SLC68A1: variants seen among roughly 807,000 people sequenced by gnomAD.
SLC68A1 encodes the protein solute carrier family 68 member 1.
chr10:102,469,917 G>A, the SLC68A1 span: 9 of 1,540,234 alleles, frequency 5.8e-6, no homozygotes, highest in Non-Finnish European at 7.0e-6. Flanking sequence ...CAGGGGTGGT[G>A]AGCAGGCTGA....
chr10:102,470,575 C>T, the SLC68A1 span: 4 of 1,537,394 alleles, frequency 2.6e-6, no homozygotes, highest in African/African-American at 4.1e-5. Context: ...CACCCTGGGC[C>T]TCCATCCCTC....
At chr10:102,469,036 CT>C in the SLC68A1 span, 2 of 1,612,632 alleles carry the variant, frequency 1.2e-6, no homozygotes, top group South Asian at 2.2e-5. Flanking sequence ...AGCCATGGGG[CT>C]GGGTCAGCCC....
At chr10:102,465,556 G>A in the SLC68A1 span, among the ~76,000 whole-genome samples, 103 of 152,322 alleles carry the variant, frequency 6.8e-4, 1 homozygote, top group Admixed American at 6.6e-3. Context: ...TGTGGGCGAG[G>A]AGCCTGAGGC....
the SLC68A1 span, chr10:102,473,122 A>G: frequency 1.6e-6 from 1 of 635,258 alleles, no homozygotes; most frequent in South Asian, 1.9e-5. Context: ...CACTGCGCCC[A>G]GCCAGGGACA....
At chr10:102,476,048 T>TG in the SLC68A1 span, 1 of 1,383,138 alleles carries the variant, frequency 7.2e-7, no homozygotes, top group Non-Finnish European at 9.4e-7. Context: ...GCCAGTTTTT[T>TG]TTGGTTTTTT....
chr10:102,465,589 T>C, the SLC68A1 span, among the ~76,000 whole-genome samples: 2 of 152,124 alleles, frequency 1.3e-5, no homozygotes, highest in Non-Finnish European at 1.5e-5. Flanking sequence ...AGTGACTGGC[T>C]CAAGGCCACC....
chr10:102,469,520 G>T, the SLC68A1 span, among the ~76,000 whole-genome samples: 2 of 151,858 alleles, frequency 1.3e-5, no homozygotes, highest in African/African-American at 4.8e-5. Context: ...TTTGAAGGGG[G>T]CAGTGGTTTG....
chr10:102,474,324 T>C, the SLC68A1 span, among the ~76,000 whole-genome samples: 1 of 149,724 alleles, frequency 6.7e-6, no homozygotes, highest in Admixed American at 6.6e-5. Flanking sequence ...AGGGGTGGGC[T>C]GGGGTTGGCA....
the SLC68A1 span, among the ~76,000 whole-genome samples, chr10:102,474,480 C>A: frequency 6.6e-6 from 1 of 151,806 alleles, no homozygotes; most frequent in African/African-American, 2.4e-5. Context: ...AGCTGAATGG[C>A]AAGGATTTGT....
At chr10:102,469,556 T>TG in the SLC68A1 span, among the ~76,000 whole-genome samples, 1 of 151,534 alleles carries the variant, frequency 6.6e-6, no homozygotes, top group Admixed American at 6.6e-5. Context: ...TTTTTTGTTT[T>TG]TTTTTTTGAG....
the SLC68A1 span, chr10:102,470,774 G>A: frequency 2.2e-5 from 35 of 1,613,860 alleles, no homozygotes; most frequent in Non-Finnish European, 2.9e-5. Flanking sequence ...GGTGCCCTGG[G>A]CCCCAGCTGG....
chr10:102,473,087 A>C, the SLC68A1 span: 1 of 735,370 alleles, frequency 1.4e-6, no homozygotes, highest in Non-Finnish European at 2.4e-6. Context: ...CTGCCTCCCA[A>C]AGTACTGGGA....
the SLC68A1 span, among the ~76,000 whole-genome samples, chr10:102,475,204 G>A: frequency 2.6e-5 from 4 of 152,208 alleles, no homozygotes; most frequent in Middle Eastern, 3.4e-3. Context: ...GCTGAGGCAG[G>A]AGAATCGCTT....
At chr10:102,464,178 A>C in the SLC68A1 span, among the ~76,000 whole-genome samples, 4 of 152,302 alleles carry the variant, frequency 2.6e-5, no homozygotes, top group East Asian at 7.7e-4. Context: ...ATGAAACCAC[A>C]CGGTGGCTCT....
At chr10:102,466,594 G>A in the SLC68A1 span, among the ~76,000 whole-genome samples, 2 of 152,136 alleles carry the variant, frequency 1.3e-5, no homozygotes, top group East Asian at 3.8e-4. Context: ...AGGAAGTACA[G>A]TTGGGATTTG....
At chr10:102,469,020 G>A in the SLC68A1 span, 1 of 1,609,514 alleles carries the variant, frequency 6.2e-7, no homozygotes, top group Non-Finnish European at 8.5e-7. Flanking sequence ...CTAAGGCTGG[G>A]GCTGCAGCCA....
the SLC68A1 span, among the ~76,000 whole-genome samples, chr10:102,465,356 C>T: frequency 4.6e-5 from 7 of 152,088 alleles, no homozygotes; most frequent in South Asian, 6.2e-4. Context: ...ACCCAGGAGG[C>T]GGAGGTTGCA....
the SLC68A1 span, chr10:102,470,677 G>T: frequency 6.2e-7 from 1 of 1,608,628 alleles, no homozygotes; most frequent in Non-Finnish European, 8.5e-7. Context: ...CAGGCGCCGG[G>T]CTCTCCTCAA....
the SLC68A1 span, chr10:102,475,925 G>C: frequency 1.2e-6 from 2 of 1,613,650 alleles, no homozygotes; most frequent in South Asian, 2.2e-5. Flanking sequence ...CCTGCACATG[G>C]TCAAGGCCCA....
Sources: gnomAD v4.1 joint callset for allele counts (sites outside exome capture counted in the v4.1 genomes callset) on GRCh38, gnomAD v4.1.1 for gene constraint, MANE v1.5 for transcripts, NCBI Gene and HGNC (gene_info 2026-07-23, HGNC 2026-07-21) for gene names.